NCOA2: variants seen among roughly 807,000 people sequenced by gnomAD.
The protein encoded by NCOA2 is nuclear receptor coactivator 2.
In NCOA2, 21 loss-of-function variants were observed where a neutral mutation model predicts 145.1. The observed-to-expected ratio is 0.14, with a 90% confidence interval of 0.10 to 0.21. NCOA2 has a LOEUF of 0.21. Ranked by LOEUF, NCOA2 falls within the 10% of genes least tolerant of loss-of-function variation. NCOA2 has a pLI of 1.00. For synonymous variants in NCOA2, 619 were observed against 637.5 expected (o/e 0.97, Z 0.44); for missense variants, 1,472 against 1,837.6 (o/e 0.80, Z 3.64).
intron 16 of NCOA2, among the ~76,000 whole-genome samples, chr8:70,129,522 C>T (rs1172396701): frequency 6.6e-6 from 1 of 152,130 alleles, no homozygotes. Context: ...GGGTCCAATT[C>T]AGTTTGTGAT....
At position 70,126,972 on chromosome 8, in the gene NCOA2, G is replaced by A. The variant is rs1184402621; in HGVS notation, c.3757C>T (p.His1253Tyr). The A allele has an allele frequency of 1.2e-6, 2 of 1,613,820 alleles. No individual in the cohort carries two copies. The highest frequency in any genetic ancestry group is 1.1e-5 in the South Asian group (1 of 91,018). The change falls in exon 19 of 23, where the codon CAT becomes TAT. Residue 1253 changes from histidine to tyrosine, a missense_variant. His to Tyr is a moderately conservative substitution (Grantham distance 83). Coordinates refer to ENST00000452400, the MANE Select transcript of NCOA2 (RefSeq NM_006540.4). ...CGTTGCTGAACTTGCTGTTGCTGAT[G>A]CATTTGTCTCTGTCGAAGATGCTGG... ...LNQHLRQRQMHQQQQVQQRTL... is the reference protein window; with the variant it reads ...LNQHLRQRQMYQQQQVQQRTL...
intron 2 of NCOA2, among the ~76,000 whole-genome samples, chr8:70,264,491 T>C (rs1231429896): frequency 6.6e-6 from 1 of 151,432 alleles, no homozygotes; most frequent in African/African-American, 2.5e-5. Context: ...TGAGACTCCA[T>C]CTCTTAACAA....
In NCOA2 at chr8:70,144,815, C is replaced by G. The variant is rs757877226; in HGVS notation, c.2639G>C (p.Arg880Thr). 1 of 1,613,946 alleles carries G rather than the reference C, an allele frequency of 6.2e-7. No homozygotes were observed. The highest frequency in any genetic ancestry group is 8.5e-7 in the Non-Finnish European group (1 of 1,179,868). ...TGGTAAATTCTGGTTTGGCAATAAC[C>G]TGCCCAGTTGCCCTGGTCGTGGGTT... The part of the protein sequence containing the change: ...FNNPRPGQLG[R>T]LLPNQNLPLD... Residue 880 changes from arginine (R) to threonine (T), a missense_variant, in exon 13 of 23, where the codon AGG (arginine) becomes ACG (threonine). Physicochemically the swap from Arg to Thr is moderately conservative, Grantham distance 71 (BLOSUM62 -1). Coordinates refer to ENST00000452400, the MANE Select transcript of NCOA2 (RefSeq NM_006540.4).
intron 4 of NCOA2, among the ~76,000 whole-genome samples, chr8:70,204,934 G>C (rs1370175365): frequency 1.3e-5 from 2 of 152,174 alleles, no homozygotes; most frequent in African/African-American, 4.8e-5. Flanking sequence ...CTTGAACCCG[G>C]GAGGCAGAGG....
chr8:70,428,453 T>G, the NCOA2 span, among the ~76,000 whole-genome samples: 2 of 151,910 alleles, frequency 1.3e-5, no homozygotes, highest in African/African-American at 4.8e-5. Flanking sequence ...CCTGTCTTTC[T>G]CTATAAATAT....
At chr8:70,155,862 G>C in intron 11 of NCOA2, 109 bp downstream of exon 11, 1 of 853,740 alleles carries the variant, frequency 1.2e-6, no homozygotes. Context: ...AACAACAAAG[G>C]AGAAAGCTTA....
intron 1 of NCOA2, among the ~76,000 whole-genome samples, chr8:70,340,938 G>A (rs1252690546): frequency 1.3e-5 from 2 of 152,108 alleles, no homozygotes; most frequent in East Asian, 3.9e-4. Context: ...GGGGGTAGCA[G>A]GGAGCATCAG....
intron 2 of NCOA2, 22 bp from the exon 3 acceptor site, chr8:70,216,786 A>C (rs368358553): frequency 2.7e-5 from 39 of 1,462,834 alleles, no homozygotes; most frequent in Non-Finnish European, 3.4e-5. Context: ...AACAGAGAAG[A>C]GGAAGAAAAA....
At chr8:70,287,383 T>C (rs1340946977) in intron 2 of NCOA2, among the ~76,000 whole-genome samples, 1 of 152,180 alleles carries the variant, frequency 6.6e-6, no homozygotes, top group Non-Finnish European at 1.5e-5. Flanking sequence ...AATGTACTCT[T>C]TTCTAAATCA....
chr8:70,381,893 T>C (rs1248132085), intron 1 of NCOA2, among the ~76,000 whole-genome samples: 5 of 152,278 alleles, frequency 3.3e-5, no homozygotes, highest in Admixed American at 3.3e-4. Flanking sequence ...TCTATATAGA[T>C]TATAAAATGC....
intron 1 of NCOA2, among the ~76,000 whole-genome samples, chr8:70,360,732 G>C (rs550704462): frequency 6.6e-6 from 1 of 152,022 alleles, no homozygotes; most frequent in Non-Finnish European, 1.5e-5. Flanking sequence ...GAGGTCAGCA[G>C]TTAGAGACCA....
chr8:70,319,543 T>TAAAC (rs925325549), intron 1 of NCOA2, among the ~76,000 whole-genome samples: 1 of 151,182 alleles, frequency 6.6e-6, no homozygotes, highest in African/African-American at 2.4e-5. Flanking sequence ...GTCTCAAAAA[T>TAAAC]AAATAAATAA....
At chr8:70,434,707 A>G in the NCOA2 span, among the ~76,000 whole-genome samples, 1 of 152,086 alleles carries the variant, frequency 6.6e-6, no homozygotes, top group African/African-American at 2.4e-5. Context: ...AGCTAGAACT[A>G]CATGTGGGTG....
chr8:70,192,013 G>A (rs1279124533), intron 4 of NCOA2, among the ~76,000 whole-genome samples: 1 of 152,284 alleles, frequency 6.6e-6, no homozygotes, highest in Admixed American at 6.5e-5. Flanking sequence ...CTGCACTCCA[G>A]CCTGGGCGAG....
rs1817051817 is a variant in NCOA2, at chr8:70,194,476, ACATCGC to A, written c.259+19421_259+19426del. 3.3e-5 allele frequency among the ~76,000 whole-genome samples: 5 copies of A among 152,300 alleles called. No homozygotes were observed. In the South Asian group the frequency reaches 1.0e-3, roughly 32 times the overall value. The stretch of plus-strand genomic sequence containing the variant: ...GGCCAGTGTTGTTTATCTAGAGGTT[ACATCGC>A]ACAAGTGAAGATGGACAGATCTTAT... On this transcript the variant is annotated intron_variant, in intron 4 of 22. Coordinates refer to ENST00000452400, the MANE Select transcript of NCOA2 (RefSeq NM_006540.4).
chr8:70,147,125 C>T (rs202222899), intron 12 of NCOA2, among the ~76,000 whole-genome samples: 4,415 of 145,346 alleles, frequency 0.03, 241 homozygotes, highest in African/African-American at 0.11. Context: ...CGCGCGCGCG[C>T]GCGTGTGTGT....
intron 4 of NCOA2, among the ~76,000 whole-genome samples, chr8:70,186,023 C>T (rs532927889): frequency 6.6e-5 from 10 of 151,992 alleles, no homozygotes; most frequent in Non-Finnish European, 1.5e-4. Flanking sequence ...AATGCGGCCA[C>T]CTAACAATGA....
At chr8:70,146,279 T>C (rs931774775) in intron 12 of NCOA2, among the ~76,000 whole-genome samples, 10 of 152,326 alleles carry the variant, frequency 6.6e-5, no homozygotes, top group South Asian at 2.1e-4. Context: ...GGATTTGATA[T>C]GATTTTTATA....
At chr8:70,301,621 A>G (rs1198304557) in intron 1 of NCOA2, among the ~76,000 whole-genome samples, 1 of 141,548 alleles carries the variant, frequency 7.1e-6, no homozygotes. Context: ...ACGCCACTGC[A>G]TTCCAGCCTA....
Sources: gnomAD v4.1 joint callset for allele counts (sites outside exome capture counted in the v4.1 genomes callset) on GRCh38, gnomAD v4.1.1 for gene constraint, MANE v1.5 for transcripts, NCBI Gene and HGNC (gene_info 2026-07-23, HGNC 2026-07-21) for gene names.